Variants in RBFOX1 observed in about 807,000 individuals in gnomAD.
RBFOX1 encodes RNA binding protein fox-1 homolog 1.
Under a neutral mutation model 57.7 loss-of-function variants are expected in RBFOX1, and 8 were observed. That is an observed-to-expected ratio of 0.14 (90% CI 0.08 to 0.25). The LOEUF (loss-of-function observed/expected upper bound fraction) is 0.25, where lower values mean the gene tolerates loss of function less well. Ranked by LOEUF, RBFOX1 falls within the 10% of genes least tolerant of loss-of-function variation. RBFOX1 has a pLI of 1.00. For synonymous variants in RBFOX1, 326 were observed against 222.4 expected, an observed-to-expected ratio of 1.47 and a Z score of -4.15; for missense variants, 611 against 548.5, an observed-to-expected ratio of 1.11 and a Z score of -1.14.
chr16:7,499,014 C>G (rs546083606), intron 4 of RBFOX1, among the ~76,000 whole-genome samples: 2 of 152,300 alleles, frequency 1.3e-5, no homozygotes, highest in East Asian at 3.9e-4. Context: ...AGTGACATCA[C>G]TCAATACTAG....
chr16:6,526,829 C>CAAAAAAAAAAAAAAAA (rs541468859), intron 2 of RBFOX1, among the ~76,000 whole-genome samples: 15 of 32,892 alleles, frequency 4.6e-4, no homozygotes, highest in African/African-American at 1.5e-3. Context: ...GACTCTGTCT[C>CAAAAAAAAAAAAAAAA]AAAAAAAAAA....
At chr16:5,411,086 G>A (rs1244254831) in intron 1 of RBFOX1, among the ~76,000 whole-genome samples, 1 of 152,212 alleles carries the variant, frequency 6.6e-6, no homozygotes, top group African/African-American at 2.4e-5. Context: ...TATTGGGATG[G>A]GGTCAAGTAT....
intron 4 of RBFOX1, among the ~76,000 whole-genome samples, chr16:7,071,715 C>T (rs2057377554): frequency 1.3e-5 from 2 of 151,506 alleles, no homozygotes; most frequent in Admixed American, 6.6e-5. Flanking sequence ...ATTCTAGGTC[C>T]CTATACACAA....
intron 3 of RBFOX1, among the ~76,000 whole-genome samples, chr16:5,838,927 G>A (rs1177771594): frequency 6.6e-6 from 1 of 152,178 alleles, no homozygotes; most frequent in Non-Finnish European, 1.5e-5. Flanking sequence ...TTTGAGAGGT[G>A]TGCTTCTCAG....
chr16:7,607,591 C>G (rs1003268296), intron 10 of RBFOX1, among the ~76,000 whole-genome samples: 1 of 152,082 alleles, frequency 6.6e-6, no homozygotes, highest in African/African-American at 2.4e-5. Flanking sequence ...TGATTTTGCC[C>G]TAAAAAAAGC....
intron 3 of RBFOX1, among the ~76,000 whole-genome samples, chr16:6,775,519 A>G (rs1448049761): frequency 2.6e-5 from 4 of 152,174 alleles, no homozygotes; most frequent in Non-Finnish European, 4.4e-5. Flanking sequence ...GATGCAACCA[A>G]TTATATCATG....
At chr16:7,187,666 G>A (rs1431948700) in intron 4 of RBFOX1, among the ~76,000 whole-genome samples, 2 of 117,710 alleles carry the variant, frequency 1.7e-5, no homozygotes, top group Admixed American at 1.2e-4. Context: ...TCCAGCCTGG[G>A]CAACAGAATG....
chr16:7,213,641 C>T (rs2091544002), intron 4 of RBFOX1, among the ~76,000 whole-genome samples: 1 of 152,016 alleles, frequency 6.6e-6, no homozygotes. Context: ...TGAAGTGGAT[C>T]TTGAGATGAG....
chr16:6,925,561 G>A (rs956264342), intron 3 of RBFOX1, among the ~76,000 whole-genome samples: 1 of 151,788 alleles, frequency 6.6e-6, no homozygotes, highest in East Asian at 1.9e-4. Flanking sequence ...CACTGACATA[G>A]CTCTAGCATT....
At chr16:6,938,213 CAGATT>C (rs2077698770) in intron 3 of RBFOX1, among the ~76,000 whole-genome samples, 1 of 152,062 alleles carries the variant, frequency 6.6e-6, no homozygotes. Context: ...TGTCATTGTC[CAGATT>C]AGATCATTGT....
intron 1 of RBFOX1, among the ~76,000 whole-genome samples, chr16:6,300,121 T>C (rs1040465757): frequency 5.9e-5 from 9 of 152,076 alleles, no homozygotes; most frequent in Non-Finnish European, 1.3e-4. Context: ...ATCTCACTTA[T>C]ATGAGGAATC....
chr16:7,126,577 A>C, intron 4 of RBFOX1: 1 of 197,534 alleles, frequency 5.1e-6, no homozygotes, highest in Middle Eastern at 1.4e-3. Flanking sequence ...TCGTGCAGCA[A>C]ATAGGCTGCA....
chr16:5,889,937 C>G (rs999732949), intron 4 of RBFOX1, among the ~76,000 whole-genome samples: 1 of 152,194 alleles, frequency 6.6e-6, no homozygotes. Flanking sequence ...GAAGACTGGG[C>G]AAACAGCCTC....
At chr16:6,729,701 G>T (rs1009686649) in intron 3 of RBFOX1, among the ~76,000 whole-genome samples, 22 of 152,112 alleles carry the variant, frequency 1.4e-4, no homozygotes, top group African/African-American at 5.3e-4. Flanking sequence ...TTTGTTGGAA[G>T]GTAGAGTGAC....
intron 5 of RBFOX1, among the ~76,000 whole-genome samples, chr16:7,535,268 T>C (rs187089434): frequency 6.6e-6 from 1 of 152,316 alleles, no homozygotes; most frequent in East Asian, 1.9e-4. Flanking sequence ...AGCTCAGGGC[T>C]GCTGGGCTTA....
chr16:6,671,578 C>G (rs990127068), intron 3 of RBFOX1, among the ~76,000 whole-genome samples: 1 of 152,160 alleles, frequency 6.6e-6, no homozygotes. Flanking sequence ...GATTCCTCTT[C>G]TGAACCCAAT....
At chr16:6,756,156 A>C (rs566723579) in intron 3 of RBFOX1, among the ~76,000 whole-genome samples, 1 of 152,226 alleles carries the variant, frequency 6.6e-6, no homozygotes, top group Non-Finnish European at 1.5e-5. Flanking sequence ...CAAGCATTTA[A>C]AAAATATATA....
intron 2 of RBFOX1, among the ~76,000 whole-genome samples, chr16:5,567,053 C>G (rs867737262): frequency 9.9e-5 from 15 of 152,192 alleles, no homozygotes; most frequent in African/African-American, 1.4e-4. Context: ...GCCTCAGGTC[C>G]TAAGCCTCAC....
At chr16:5,411,449 C>G (rs551780082) in intron 1 of RBFOX1, among the ~76,000 whole-genome samples, 5 of 152,300 alleles carry the variant, frequency 3.3e-5, no homozygotes, top group African/African-American at 9.6e-5. Flanking sequence ...GGAGCGACTT[C>G]TCCACTAGAG....
Sources: allele counts gnomAD v4.1 joint callset (sites outside exome capture counted in the v4.1 genomes callset), GRCh38; gene constraint gnomAD v4.1.1; transcripts MANE v1.5; gene names NCBI Gene and HGNC (gene_info 2026-07-23, HGNC 2026-07-21).